The following RBFOX1 variants were observed in gnomAD, a reference collection of about 807,000 sequenced individuals.
RBFOX1 encodes RNA binding protein fox-1 homolog 1.
Under a neutral mutation model 57.7 loss-of-function variants are expected in RBFOX1, and 8 were observed. That is an observed-to-expected ratio of 0.14 (90% CI 0.08 to 0.25). The LOEUF (loss-of-function observed/expected upper bound fraction) is 0.25, where lower values mean the gene tolerates loss of function less well. Ranked by LOEUF, RBFOX1 falls within the 10% of genes least tolerant of loss-of-function variation. The pLI is 1.00. For missense variants in RBFOX1, 611 were observed against 548.5 expected, an observed-to-expected ratio of 1.11 and a Z score of -1.14; for synonymous variants, 326 against 222.4, an observed-to-expected ratio of 1.47 and a Z score of -4.15.
intron 2 of RBFOX1, among the ~76,000 whole-genome samples, chr16:6,618,593 A>G (rs375389587): frequency 6.6e-6 from 1 of 152,218 alleles, no homozygotes; most frequent in East Asian, 1.9e-4. Flanking sequence ...GGAGGAGAGA[A>G]TCAGAATACA....
At chr16:6,779,126 T>G (rs2079898566) in intron 3 of RBFOX1, among the ~76,000 whole-genome samples, 1 of 152,074 alleles carries the variant, frequency 6.6e-6, no homozygotes, top group South Asian at 2.1e-4. Context: ...TCTAATTGTA[T>G]TTTTGTACCT....
At chr16:7,056,421 G>T (rs546549137) in intron 4 of RBFOX1, among the ~76,000 whole-genome samples, 3 of 152,128 alleles carry the variant, frequency 2.0e-5, no homozygotes, top group Admixed American at 2.0e-4. Flanking sequence ...TATGGAATCT[G>T]TGCATTAACC....
chr16:7,040,996 A>T lies in RBFOX1; in HGVS notation c.-15-11061A>T, dbSNP rs149207896. On this transcript the variant is annotated intron_variant, in intron 3 of 15. Transcript: ENST00000550418. ...AATGATGCAATCTCTGCTCATTGCA[A>T]CGTCCACCTCCTGGGTTCAAGCGAT... Among the ~76,000 whole-genome samples, 396 of 151,784 alleles carry T rather than the reference A, an allele frequency of 2.6e-3. 18 individuals carry two copies. The East Asian group carries it at 0.059, about 22-fold the overall frequency.
intron 3 of RBFOX1, among the ~76,000 whole-genome samples, chr16:6,657,407 G>A (rs1239172408): frequency 6.6e-6 from 1 of 152,056 alleles, no homozygotes; most frequent in Non-Finnish European, 1.5e-5. Context: ...TGATCCCTGA[G>A]GGACGGCGTG....
chr16:5,414,477 G>A (rs2067107745), intron 1 of RBFOX1, among the ~76,000 whole-genome samples: 1 of 152,166 alleles, frequency 6.6e-6, no homozygotes, highest in South Asian at 2.1e-4. Flanking sequence ...CAGTTGAAGT[G>A]CTATGAGCCT....
intron 3 of RBFOX1, among the ~76,000 whole-genome samples, chr16:5,828,687 C>A (rs577979683): frequency 6.6e-6 from 1 of 150,458 alleles, no homozygotes; most frequent in Admixed American, 6.6e-5. Context: ...GAGCGAGACT[C>A]CAAAAAAGAA....
At chr16:6,164,007 C>CT (rs1316097568) in intron 1 of RBFOX1, among the ~76,000 whole-genome samples, 12 of 152,152 alleles carry the variant, frequency 7.9e-5, no homozygotes, top group African/African-American at 2.7e-4. Flanking sequence ...CACAGAGTTA[C>CT]ATTTTTGTGA....
At chr16:7,503,715 T>C (rs2071793096) in intron 4 of RBFOX1, among the ~76,000 whole-genome samples, 1 of 152,220 alleles carries the variant, frequency 6.6e-6, no homozygotes, top group Non-Finnish European at 1.5e-5. Context: ...AGAATCCCTA[T>C]TGAATTAAAA....
intron 1 of RBFOX1, among the ~76,000 whole-genome samples, chr16:6,085,749 G>T (rs76501382): frequency 6.2e-4 from 95 of 152,270 alleles, no homozygotes; most frequent in African/African-American, 2.2e-3. Context: ...CCCTCCCCAA[G>T]AGTTGGGTCC....
intron 3 of RBFOX1, among the ~76,000 whole-genome samples, chr16:6,889,033 A>C (rs1352781023): frequency 1.3e-5 from 2 of 152,126 alleles, no homozygotes; most frequent in African/African-American, 4.8e-5. Context: ...AGGGAATTGC[A>C]TGTGTTCTCA....
chr16:5,730,295 A>T (rs79143245), intron 3 of RBFOX1, among the ~76,000 whole-genome samples: 1,853 of 152,236 alleles, frequency 0.012, 47 homozygotes, highest in African/African-American at 0.041. Context: ...AGTGCCACAG[A>T]GCAAAGACTA....
At chr16:7,386,301 C>T (rs992365670) in intron 4 of RBFOX1, among the ~76,000 whole-genome samples, 34 of 152,058 alleles carry the variant, frequency 2.2e-4, no homozygotes, top group African/African-American at 5.6e-4. Context: ...TGTTACATAG[C>T]TATACATGTG....
chr16:7,192,698 G>A (rs1032489677), intron 4 of RBFOX1, among the ~76,000 whole-genome samples: 3 of 152,308 alleles, frequency 2.0e-5, no homozygotes. Context: ...TTATGATTAA[G>A]TATGATGTTA....
chr16:6,941,561 G>C (rs771013478), intron 3 of RBFOX1, among the ~76,000 whole-genome samples: 3 of 151,856 alleles, frequency 2.0e-5, no homozygotes, highest in Admixed American at 6.6e-5. Context: ...TCCACCAAGA[G>C]ACTTGAAATT....
intron 3 of RBFOX1, among the ~76,000 whole-genome samples, chr16:5,827,127 C>G (rs1438903864): frequency 6.6e-6 from 1 of 152,142 alleles, no homozygotes. Flanking sequence ...ACAGGCCAGG[C>G]ACTGTGGCTC....
rs1034046837 is a variant in RBFOX1 at position 7,560,831 on chromosome 16, C to G, written c.271-18946C>G. On this transcript the variant is annotated intron_variant, in intron 5 of 15. Coordinates refer to ENST00000550418, the MANE Select transcript of RBFOX1 (RefSeq NM_018723.4). The stretch of plus-strand genomic sequence containing the variant: ...AAGAGTTTGGACTTTTTTAGGGGAC[C>G]TAAACATTTGCTCCTGAGCTCTGCT... 5.3e-5 allele frequency among the ~76,000 whole-genome samples: 8 copies of G among 152,298 alleles called. No homozygotes were observed. In the South Asian group the frequency reaches 1.7e-3, roughly 32 times the overall value.
At chr16:7,378,150 A>G (rs1015634858) in intron 4 of RBFOX1, among the ~76,000 whole-genome samples, 1 of 152,214 alleles carries the variant, frequency 6.6e-6, no homozygotes, top group Admixed American at 6.5e-5. Context: ...GATGGGCGGC[A>G]GAGTAAGGCA....
intron 4 of RBFOX1, among the ~76,000 whole-genome samples, chr16:7,385,654 G>A (rs2097862636): frequency 6.6e-6 from 1 of 152,110 alleles, no homozygotes; most frequent in Admixed American, 6.5e-5. Context: ...ACCTGTACCT[G>A]GTTTTGATTT....
chr16:6,968,728 C>G (rs555295748), intron 3 of RBFOX1, among the ~76,000 whole-genome samples: 94 of 152,256 alleles, frequency 6.2e-4, no homozygotes, highest in African/African-American at 2.1e-3. Context: ...GGCAGCTGGC[C>G]TCATCTCCCT....
Sources: allele counts gnomAD v4.1 joint callset (sites outside exome capture counted in the v4.1 genomes callset), GRCh38; gene constraint gnomAD v4.1.1; transcripts MANE v1.5; gene names NCBI Gene and HGNC (gene_info 2026-07-23, HGNC 2026-07-21).